SLC44A5: variants seen among roughly 807,000 people sequenced by gnomAD.
The protein encoded by SLC44A5 is solute carrier family 44 member 5.
A neutral mutation model predicts 101.8 loss-of-function variants in SLC44A5; 57 were observed. The observed-to-expected ratio is 0.56, with a 90% CI of 0.45 to 0.70. The LOEUF (loss-of-function observed/expected upper bound fraction) is 0.70, where lower values mean the gene tolerates loss of function less well. Among genes scored for constraint, SLC44A5 ranks in the 30% least tolerant of loss-of-function variants. The pLI, the probability that SLC44A5 is intolerant of heterozygous loss-of-function variation, is 0.00. For missense variants in SLC44A5, 737 were observed against 853.1 expected, an observed-to-expected ratio of 0.86 and a Z score of 1.70; for synonymous variants, 281 against 290.9, an observed-to-expected ratio of 0.97 and a Z score of 0.35.
At chr1:75,285,431 A>G (rs766168015) in intron 5 of SLC44A5, among the ~76,000 whole-genome samples, 20 of 151,766 alleles carry the variant, frequency 1.3e-4, no homozygotes, top group Non-Finnish European at 2.7e-4. Context: ...AAGAACCAGC[A>G]TTTTGTTTCA....
chr1:75,637,680 AG>A, the SLC44A5 span, among the ~76,000 whole-genome samples: 4 of 152,084 alleles, frequency 2.6e-5, no homozygotes, highest in Admixed American at 6.6e-5. Flanking sequence ...TATTACATTA[AG>A]AAATTAAGCA....
chr1:75,214,482 C>G, intron 20 of SLC44A5, 123 bp downstream of exon 20: 1 of 667,068 alleles, frequency 1.5e-6, no homozygotes, highest in South Asian at 2.8e-5. Context: ...TTAAATCTAT[C>G]AAGTTAAAAG....
intron 2 of SLC44A5, chr1:75,521,885 T>C (rs1670149260): frequency 6.5e-6 from 1 of 153,262 alleles, no homozygotes; most frequent in Admixed American, 6.5e-5. Context: ...ATGCACGCAG[T>C]GTACAAGTCA....
chr1:75,300,281 C>T (rs1329225662), intron 5 of SLC44A5, among the ~76,000 whole-genome samples: 1 of 151,938 alleles, frequency 6.6e-6, no homozygotes, highest in African/African-American at 2.4e-5. Flanking sequence ...GGCCCTAGTT[C>T]TTATTAGCAA....
chr1:75,452,050 C>T (rs1220944544), intron 2 of SLC44A5, among the ~76,000 whole-genome samples: 2 of 152,100 alleles, frequency 1.3e-5, no homozygotes, highest in Non-Finnish European at 2.9e-5. Context: ...ATCCAGAGAA[C>T]ACCAGTAAGA....
chr1:75,497,318 A>G (rs1014938400), intron 2 of SLC44A5, among the ~76,000 whole-genome samples: 2 of 152,082 alleles, frequency 1.3e-5, no homozygotes, highest in Non-Finnish European at 2.9e-5. Flanking sequence ...AAAGAAGGAA[A>G]TCCTGCCATT....
chr1:75,629,153 G>A, the SLC44A5 span, among the ~76,000 whole-genome samples: 17 of 152,098 alleles, frequency 1.1e-4, no homozygotes, highest in Admixed American at 3.3e-4. Context: ...TGGAGAAGAA[G>A]CATGTGTAGT....
chr1:75,211,527 A>G lies in SLC44A5; in HGVS notation c.1988T>C (p.Ile663Thr). The part of the protein sequence containing the change: ...LLTVIFGSYL[I>T]AHGFFSVYAM... Reference sequence around the variant, plus strand: ...ATAGACGCTGAAGAACCCATGTGCAATCAGGTAAGACCCAAAAATGACTGT... The same window carrying G: ...ATAGACGCTGAAGAACCCATGTGCAGTCAGGTAAGACCCAAAAATGACTGT... Residue 663 changes from isoleucine (I) to threonine (T), a missense_variant, in exon 23 of 24, where the codon ATT becomes ACT. Physicochemically the swap from Ile to Thr is moderately conservative, Grantham distance 89. Around this residue, in one of 3 missense-constraint regions of SLC44A5, gnomAD observed 11 missense variants for 32.2 expected, o/e 0.34. Transcript: ENST00000370859. The G allele has an allele frequency of 6.2e-7, 1 of 1,612,748 alleles. No individual in the cohort carries two copies. Among genetic ancestry groups the G allele is most frequent in the Non-Finnish European group, 8.5e-7 (1 of 1,179,078 alleles).
At chr1:75,566,146 G>C (rs1672773965) in intron 1 of SLC44A5, among the ~76,000 whole-genome samples, 2 of 152,102 alleles carry the variant, frequency 1.3e-5, no homozygotes, top group Non-Finnish European at 1.5e-5. Context: ...AGCACCAGAG[G>C]TTATTGAGAC....
chr1:75,450,277 C>A (rs75382564), intron 2 of SLC44A5, among the ~76,000 whole-genome samples: 32,015 of 152,036 alleles, frequency 0.21, 3,494 homozygotes, highest in Non-Finnish European at 0.24. Flanking sequence ...TCTCCCAAGC[C>A]CTGGAGCTAA....
At chr1:75,660,543 T>C in the SLC44A5 span, among the ~76,000 whole-genome samples, 1 of 152,194 alleles carries the variant, frequency 6.6e-6, no homozygotes, top group Non-Finnish European at 1.5e-5. Context: ...TGTCCTCATT[T>C]GCAGATGACA....
intron 1 of SLC44A5, among the ~76,000 whole-genome samples, chr1:75,607,516 T>C (rs1393385636): frequency 6.6e-6 from 1 of 152,008 alleles, no homozygotes; most frequent in Non-Finnish European, 1.5e-5. Context: ...CGTTGTATAA[T>C]AAATAATTAT....
chr1:75,604,361 C>T (rs1384279070), intron 1 of SLC44A5, among the ~76,000 whole-genome samples: 1 of 152,048 alleles, frequency 6.6e-6, no homozygotes, highest in Non-Finnish European at 1.5e-5. Flanking sequence ...TCTTCTGTTC[C>T]ATTGGTCTAT....
chr1:75,677,758 A>G, the SLC44A5 span: 123,453 of 439,572 alleles, frequency 0.28, 18,323 homozygotes, highest in Non-Finnish European at 0.32. Context: ...CAAGGGAGGA[A>G]CCAAGATGGC....
the SLC44A5 span, among the ~76,000 whole-genome samples, chr1:75,684,967 C>T: frequency 6.6e-6 from 1 of 152,206 alleles, no homozygotes; most frequent in South Asian, 2.1e-4. Flanking sequence ...TGCAGCAAAC[C>T]TCTGCCTAGA....
chr1:75,212,455 C>T (rs1377887276), intron 22 of SLC44A5, among the ~76,000 whole-genome samples: 3 of 152,092 alleles, frequency 2.0e-5, no homozygotes, highest in Non-Finnish European at 4.4e-5. Context: ...TTGGTTTTCT[C>T]TTCCTGTTTC....
chr1:75,385,741 C>A (rs568328283), intron 3 of SLC44A5, among the ~76,000 whole-genome samples: 2 of 152,062 alleles, frequency 1.3e-5, no homozygotes, highest in Non-Finnish European at 2.9e-5. Context: ...CAAAGCCGGG[C>A]AGAGACACCA....
intron 1 of SLC44A5, among the ~76,000 whole-genome samples, chr1:75,568,135 G>A (rs1486350046): frequency 6.6e-6 from 1 of 152,108 alleles, no homozygotes; most frequent in Non-Finnish European, 1.5e-5. Context: ...ATGGAAATCA[G>A]CAAAACAACT....
At chr1:75,327,429 A>C (rs1362631505) in intron 4 of SLC44A5, among the ~76,000 whole-genome samples, 1 of 152,250 alleles carries the variant, frequency 6.6e-6, no homozygotes, top group African/African-American at 2.4e-5. Flanking sequence ...GACTTAAAAA[A>C]TATGCAGCTG....
Sources: gnomAD v4.1 joint callset for allele counts (sites outside exome capture counted in the v4.1 genomes callset) on GRCh38, gnomAD v4.1.1 for gene constraint, gnomAD v4.1.1 regional missense constraint, MANE v1.5 for transcripts, NCBI Gene and HGNC (gene_info 2026-07-23, HGNC 2026-07-21) for gene names.